Variants in MMP21 observed in about 807,000 individuals in gnomAD.
MMP21 encodes the protein matrix metalloproteinase-21.
Under a neutral mutation model 47.8 loss-of-function variants are expected in MMP21, and 40 were observed. That is an observed-to-expected ratio of 0.84 (90% CI 0.65 to 1.09). The LOEUF is 1.09. Ranked by LOEUF, MMP21 falls within the 50% of genes least tolerant of loss-of-function variation. The probability of loss-of-function intolerance (pLI) is 0.00; values close to 1 mark genes in which losing one functional copy is unlikely to be tolerated. For missense variants in MMP21, 747 were observed against 775.3 expected (o/e 0.96, Z 0.43); for synonymous variants, 341 against 318.0 (o/e 1.07, Z -0.77).
intron 1 of MMP21, 105 bp from the exon 2 acceptor site, chr10:125,774,470 AG>A: frequency 1.4e-6 from 1 of 733,846 alleles, no homozygotes; most frequent in Non-Finnish European, 1.9e-6. Context: ...ATAGAGACAG[AG>A]ACAGAGAGAA....
At position 125,770,447 on chromosome 10, in the gene MMP21, C is replaced by G. The variant is rs761089839; in HGVS notation, c.1124G>C (p.Arg375Pro). ...WLYENRNNRT[R>P]YGDPIQILTG... ...GAGGATTTGGATAGGGTCCCCATAG[C>G]GTGTCCTATTGTTTCGATTTTCATA... is the stretch of plus-strand genomic sequence containing the variant. Residue 375 changes from arginine (R) to proline (P), a missense_variant, in exon 5 of 7, where the codon CGC becomes CCC. Transcript: ENST00000368808. 6.2e-7 allele frequency: 1 copy of G among 1,614,162 alleles called. No individual in the cohort carries two copies. The highest frequency in any genetic ancestry group is 8.5e-7 in the Non-Finnish European group (1 of 1,180,042).
At chr10:125,767,014 G>A in intron 6 of MMP21, 53 bp from the exon 7 acceptor site, 1 of 1,433,632 alleles carries the variant, frequency 7.0e-7, no homozygotes, top group Non-Finnish European at 9.3e-7. Flanking sequence ...AATATTTTTT[G>A]GTTAATTTAT....
chr10:125,774,411 C>A, intron 1 of MMP21, 46 bp from the exon 2 acceptor site: 1 of 1,282,288 alleles, frequency 7.8e-7, no homozygotes, highest in Non-Finnish European at 9.9e-7. Flanking sequence ...TCGCTCGGGG[C>A]CCTCCCGGGC....
Position 125,772,349 on chromosome 10 carries a change from T to G in MMP21, c.848A>C (p.His283Pro), listed in dbSNP as rs1370654219. The G allele has an allele frequency of 1.2e-6, 2 of 1,614,086 alleles. No individual in the cohort carries two copies. Among genetic ancestry groups the G allele is most frequent in the Non-Finnish European group, 1.7e-6 (2 of 1,180,006 alleles). Reference sequence around the variant, plus strand: ...CAAGCCCAGGACATGGCCAATTTCATGGACGGCCACCTAGAAGGGGACACA... The same window carrying G: ...CAAGCCCAGGACATGGCCAATTTCAGGGACGGCCACCTAGAAGGGGACACA... ...TGISLLKVAV[H>P]EIGHVLGLPH... The change falls in exon 4 of 7, where the codon CAT (histidine) becomes CCT (proline). Residue 283 changes from histidine (H) to proline (P), a missense_variant. His to Pro is a moderately conservative substitution (Grantham distance 77). Transcript: ENST00000368808. The surrounding 1 kb of genome is among the most constrained non-coding windows in gnomAD (Gnocchi z 5.6).
At chr10:125,770,683 G>T (rs1564762691) in intron 4 of MMP21, 92 bp from the exon 5 acceptor site, 2 of 1,425,758 alleles carry the variant, frequency 1.4e-6, no homozygotes, top group East Asian at 2.3e-5. Context: ...CAGTTGCAAA[G>T]CTGGGGCTTT....
intron 1 of MMP21, among the ~76,000 whole-genome samples, chr10:125,775,268 G>A (rs1327137587): frequency 6.6e-6 from 1 of 152,224 alleles, no homozygotes; most frequent in East Asian, 1.9e-4. Flanking sequence ...CTATTGCGGT[G>A]TTGGGGAACC....
Position 125,766,945 on chromosome 10 carries a change from A to C in MMP21, c.1427T>G (p.Val476Gly). ...AGAATTAAGTACTCGATTTCTGTTG[A>C]CATCAAATGCAAATACCTGCAAAGC... ...FKESLVFAFDVNRNRVLNSYP... is the reference protein window; with the variant it reads ...FKESLVFAFDGNRNRVLNSYP... The change falls in exon 7 of 7, where the codon GTC becomes GGC. Residue 476 changes from valine (V) to glycine (G), a missense_variant. Coordinates refer to ENST00000368808, the MANE Select transcript of MMP21 (RefSeq NM_147191.1). 1 of 1,588,604 alleles carries C rather than the reference A, an allele frequency of 6.3e-7. No individual in the cohort carries two copies. Among genetic ancestry groups the C allele is most frequent in the Non-Finnish European group, 8.5e-7 (1 of 1,170,886 alleles).
chr10:125,772,193 G>C lies in MMP21; in HGVS notation c.979+25C>G, dbSNP rs1209373215. The C allele has an allele frequency of 3.1e-6, 5 of 1,613,624 alleles. No individual in the cohort carries two copies. Among genetic ancestry groups the C allele is most frequent in the African/African-American group, 1.3e-5 (1 of 74,912 alleles). Reference sequence around the variant, plus strand: ...GAATACAGTGTCCTCCGCTAGCTCAGGGATGCCCTCCGCAGCAGTCTTACC... The same window carrying C: ...GAATACAGTGTCCTCCGCTAGCTCACGGATGCCCTCCGCAGCAGTCTTACC... On this transcript the variant is annotated intron_variant, in intron 4 of 6. Coordinates refer to ENST00000368808, the MANE Select transcript of MMP21 (RefSeq NM_147191.1). The surrounding 1 kb of genome is among the most constrained non-coding windows in gnomAD (Gnocchi z 5.6).
At chr10:125,769,335 T>C (rs1302167540) in intron 5 of MMP21, among the ~76,000 whole-genome samples, 4 of 152,228 alleles carry the variant, frequency 2.6e-5, no homozygotes, top group Non-Finnish European at 4.4e-5. Context: ...TGTTGAGCAA[T>C]TGCCATTGAT....
rs1437061207 is a variant in MMP21, at chr10:125,770,416, G to C, written c.1155C>G (p.Gly385=). 2.5e-6 allele frequency: 4 copies of C among 1,614,106 alleles called. No homozygotes were observed. The highest frequency in any genetic ancestry group is 3.4e-6 in the Non-Finnish European group (4 of 1,180,040). The change falls in exon 5 of 7, where the codon GGC becomes GGG. Residue 385 remains glycine (G), a synonymous_variant. Transcript: ENST00000368808. ...TGTTGTGTGTTGGGATTCCAGGCCAGCCAGTGAGGATTTGGATAGGGTCCC... is the reference window on the plus strand; with the variant it reads ...TGTTGTGTGTTGGGATTCCAGGCCACCCAGTGAGGATTTGGATAGGGTCCC... ...RYGDPIQILT[G]WPGIPTHNID... is the part of the protein sequence containing the mutation.
chr10:125,770,597 A>G lies in MMP21; in HGVS notation c.980-6T>C. 4.3e-6 allele frequency: 7 copies of G among 1,611,168 alleles called. No individual in the cohort carries two copies. Among genetic ancestry groups the G allele is most frequent in the South Asian group, 1.1e-5 (1 of 90,638 alleles). On this transcript the variant is annotated splice_region_variant and splice_polypyrimidine_tract_variant and intron_variant, in intron 4 of 6. Coordinates refer to ENST00000368808, the MANE Select transcript of MMP21 (RefSeq NM_147191.1). ...AAATGATCCCTCACAGGAGCCTTAA[A>G]AAAACAAACAAAAAACAGCCACTTG... is the stretch of plus-strand genomic sequence containing the variant.
chr10:125,775,624 C>A, intron 1 of MMP21, 36 bp downstream of exon 1: 2 of 1,573,004 alleles, frequency 1.3e-6, no homozygotes, highest in Non-Finnish European at 8.6e-7. Flanking sequence ...CGTGCACGGG[C>A]CTGGGGGTAT....
intron 5 of MMP21, 116 bp downstream of exon 5, chr10:125,770,215 GAAA>G (rs902653704): frequency 2.7e-6 from 3 of 1,095,468 alleles, no homozygotes. Context: ...GGAGCAGACA[GAAA>G]TTAAGCAAGT....
rs754707450 is a variant in MMP21 at position 125,773,901 on chromosome 10, C to T, written c.627G>A (p.Thr209=). 2 of 1,581,504 alleles carry T rather than the reference C, an allele frequency of 1.3e-6. No individual in the cohort carries two copies. The highest frequency in any genetic ancestry group is 1.1e-5 in the South Asian group (1 of 89,294). The change falls in exon 2 of 7, where the codon ACG becomes ACA. Residue 209 remains threonine, a synonymous_variant. Coordinates refer to ENST00000368808, the MANE Select transcript of MMP21 (RefSeq NM_147191.1). This position sits in a 1 kb window ranked among gnomAD's most constrained non-coding sequence, Gnocchi z 4.8. ...CCAGGTCCTCGCGGAAGTCCAGCGG[C>T]GTCACCTCGCTCCACATCCTGAAGG... The part of the protein sequence containing the change: ...ALAFRMWSEV[T]PLDFREDLAA...
intron 6 of MMP21, 99 bp from the exon 7 acceptor site, chr10:125,767,060 A>G (rs1331168036): frequency 1.0e-6 from 1 of 964,626 alleles, no homozygotes; most frequent in African/African-American, 1.7e-5. Context: ...TTTGTACCAA[A>G]TTCTTTAGAC....
Position 125,775,808 on chromosome 10 carries a change from G to C in MMP21, c.14C>G (p.Ser5Cys), listed in dbSNP as rs374518309. 6.2e-7 allele frequency: 1 copy of C among 1,609,346 alleles called. No individual in the cohort carries two copies. The highest frequency in any genetic ancestry group is 8.5e-7 in the Non-Finnish European group (1 of 1,177,986). The change falls in exon 1 of 7, where the codon TCC becomes TGC. Residue 5 changes from serine to cysteine, a missense_variant. By Grantham distance (112) the Ser-to-Cys change is moderately radical. Coordinates refer to ENST00000368808, the MANE Select transcript of MMP21 (RefSeq NM_147191.1). MLAASIFRPTLLLCW... is the reference protein window; with the variant it reads MLAACIFRPTLLLCW... Reference sequence around the variant, plus strand: ...GAGCAGCAGTGTCGGACGGAAGATGGAGGCGGCGAGCATTGGCCTGGTCTG... The same window carrying C: ...GAGCAGCAGTGTCGGACGGAAGATGCAGGCGGCGAGCATTGGCCTGGTCTG...
Position 125,766,549 on chromosome 10 carries a change from G to A in MMP21, c.*113C>T, listed in dbSNP as rs1850387783. ...GTTCAACTAAGGCTTTTCCCATTGG[G>A]TTTTAACTTACAGTGCCATATTTTC... On this transcript the variant is annotated 3_prime_UTR_variant, in exon 7 of 7. Transcript: ENST00000368808. The A allele has an allele frequency of 1.2e-6, 1 of 817,204 alleles. No homozygotes were observed. The highest frequency in any genetic ancestry group is 1.7e-5 in the African/African-American group (1 of 57,994). 50.6% of individuals were successfully genotyped at this position (817,204 alleles called of 1,614,324 possible). A position where few individuals can be genotyped will look rare whatever the true frequency, so the allele number is the denominator to read the frequency against.
At chr10:125,768,965 T>G (rs1256157725) in intron 5 of MMP21, among the ~76,000 whole-genome samples, 3 of 152,156 alleles carry the variant, frequency 2.0e-5, no homozygotes, top group Non-Finnish European at 4.4e-5. Flanking sequence ...TATGGTAAAA[T>G]TTGCATATAA....
At position 125,772,519 on chromosome 10, in the gene MMP21, C is replaced by T. The variant is rs985992168; in HGVS notation, c.837+92G>A. The T allele has an allele frequency of 1.8e-5, 28 of 1,588,838 alleles. No individual in the cohort carries two copies. Among genetic ancestry groups the T allele is most frequent in the African/African-American group, 5.4e-5 (4 of 74,452 alleles). Reference sequence around the variant, plus strand: ...CACGGATTCACCTCCTCAGAGGTTGCGGACACTACATGAGAAAAGCTTGGA... The same window carrying T: ...CACGGATTCACCTCCTCAGAGGTTGTGGACACTACATGAGAAAAGCTTGGA... On this transcript the variant is annotated intron_variant, in intron 3 of 6. Transcript: ENST00000368808. The surrounding 1 kb of genome is among the most constrained non-coding windows in gnomAD (Gnocchi z 5.6).
Sources: allele counts gnomAD v4.1 joint callset (sites outside exome capture counted in the v4.1 genomes callset), GRCh38; gene constraint gnomAD v4.1.1; non-coding constraint Gnocchi (gnomAD v3.1); transcripts MANE v1.5; gene names NCBI Gene and HGNC (gene_info 2026-07-23, HGNC 2026-07-21).